ITGB5: variants seen among roughly 807,000 people sequenced by gnomAD.
The protein encoded by ITGB5 is integrin beta-5.
A neutral mutation model predicts 84.8 loss-of-function variants in ITGB5; 38 were observed. The observed-to-expected ratio is 0.45, with a 90% CI of 0.35 to 0.59. The LOEUF (loss-of-function observed/expected upper bound fraction) is 0.59, where lower values mean the gene tolerates loss of function less well. Among genes scored for constraint, ITGB5 ranks in the 20% least tolerant of loss-of-function variants. ITGB5 has a pLI of 0.01. For missense variants in ITGB5, 905 were observed against 1,034.5 expected (o/e 0.87, Z 1.72); for synonymous variants, 393 against 414.4 (o/e 0.95, Z 0.63).
chr3:124,842,074 T>C (rs1178037899), intron 4 of ITGB5, among the ~76,000 whole-genome samples: 2 of 152,234 alleles, frequency 1.3e-5, no homozygotes, highest in African/African-American at 4.8e-5. Context: ...GACCAGGATG[T>C]GCAGGCACAT....
chr3:124,824,019 G>T (rs958932392), intron 5 of ITGB5, among the ~76,000 whole-genome samples: 4 of 152,124 alleles, frequency 2.6e-5, no homozygotes, highest in African/African-American at 9.7e-5. Flanking sequence ...TCTGCAAATT[G>T]GTTTATAGAT....
At chr3:124,799,513 T>G (rs1049344459) in intron 9 of ITGB5, among the ~76,000 whole-genome samples, 9 of 152,130 alleles carry the variant, frequency 5.9e-5, no homozygotes, top group Admixed American at 5.9e-4. Flanking sequence ...TGAGCCGTGA[T>G]CGTGTCACTG....
intron 5 of ITGB5, among the ~76,000 whole-genome samples, chr3:124,840,316 A>C (rs996400538): frequency 1.3e-5 from 2 of 152,248 alleles, no homozygotes; most frequent in Non-Finnish European, 2.9e-5. Flanking sequence ...AGAAAGTATT[A>C]CCAATTATTC....
intron 3 of ITGB5, 39 bp downstream of exon 3, chr3:124,859,203 T>C (rs1418005857): frequency 1.9e-6 from 3 of 1,593,770 alleles, no homozygotes; most frequent in Non-Finnish European, 2.6e-6. Context: ...TGGGCCTTCC[T>C]GATCCCAGAG....
At chr3:124,798,854 G>A (rs1052400086) in intron 9 of ITGB5, among the ~76,000 whole-genome samples, 5 of 152,254 alleles carry the variant, frequency 3.3e-5, no homozygotes, top group African/African-American at 1.2e-4. Context: ...GACACGGGGA[G>A]AGGGGAGAGG....
At chr3:124,860,479 T>C (rs2065280786) in intron 2 of ITGB5, among the ~76,000 whole-genome samples, 1 of 152,250 alleles carries the variant, frequency 6.6e-6, no homozygotes, top group Non-Finnish European at 1.5e-5. Flanking sequence ...GAAAAATCTT[T>C]CTTTGGGTTT....
At chr3:124,813,435 T>G (rs749550403) in intron 8 of ITGB5, among the ~76,000 whole-genome samples, 4 of 152,116 alleles carry the variant, frequency 2.6e-5, no homozygotes, top group Non-Finnish European at 5.9e-5. Flanking sequence ...GGTGAAGGGC[T>G]CAGCCCACAA....
intron 2 of ITGB5, among the ~76,000 whole-genome samples, chr3:124,861,937 A>G (rs1019434956): frequency 1.3e-5 from 2 of 152,218 alleles, no homozygotes; most frequent in African/African-American, 4.8e-5. Context: ...TAGCAGTTCT[A>G]GTGAAGCAGT....
intron 5 of ITGB5, among the ~76,000 whole-genome samples, chr3:124,837,850 G>A (rs1013025200): frequency 6.6e-6 from 1 of 152,206 alleles, no homozygotes; most frequent in Non-Finnish European, 1.5e-5. Flanking sequence ...CAGGGCACAG[G>A]GTCAGGGGAA....
intron 8 of ITGB5, among the ~76,000 whole-genome samples, chr3:124,813,980 A>G (rs868406161): frequency 3.3e-5 from 5 of 152,298 alleles, no homozygotes; most frequent in Middle Eastern, 3.4e-3. Context: ...ATTAGAACAA[A>G]AGATGTTCCT....
At chr3:124,830,329 T>C (rs981929304) in intron 5 of ITGB5, among the ~76,000 whole-genome samples, 7 of 152,110 alleles carry the variant, frequency 4.6e-5, no homozygotes, top group East Asian at 1.9e-4. Flanking sequence ...GGTGGCTCCA[T>C]GGGAAGCCAA....
intron 1 of ITGB5, among the ~76,000 whole-genome samples, chr3:124,876,208 T>C (rs911171654): frequency 2.6e-5 from 4 of 152,180 alleles, no homozygotes; most frequent in African/African-American, 9.7e-5. Context: ...ATTAGCTGGA[T>C]GGTAGTAATC....
chr3:124,881,332 G>T (rs936196885), intron 1 of ITGB5, among the ~76,000 whole-genome samples: 2 of 152,098 alleles, frequency 1.3e-5, no homozygotes, highest in East Asian at 3.9e-4. Context: ...CCTGGGGTGA[G>T]AGAAGGGATC....
At chr3:124,771,182 T>C (rs755571355) in intron 11 of ITGB5, among the ~76,000 whole-genome samples, 11 of 152,224 alleles carry the variant, frequency 7.2e-5, no homozygotes, top group Non-Finnish European at 1.5e-4. Flanking sequence ...CTTGAGAGCC[T>C]GTTAACTGAA....
intron 10 of ITGB5, among the ~76,000 whole-genome samples, chr3:124,785,869 TA>T (rs1473368322): frequency 1.3e-5 from 2 of 152,096 alleles, no homozygotes; most frequent in East Asian, 3.9e-4. Flanking sequence ...GCTTATAAGG[TA>T]GGACTTGGAA....
rs550812323 is a variant in ITGB5, at chr3:124,763,592, TC to T, written c.*30del. 13 of 1,365,590 alleles carry T rather than the reference TC, an allele frequency of 9.5e-6. No individual in the cohort carries two copies. The highest frequency in any genetic ancestry group is 1.2e-5 in the Non-Finnish European group (11 of 953,960). 84.6% of individuals were successfully genotyped at this position (1,365,590 alleles called of 1,614,324 possible). A position where few individuals can be genotyped will look rare whatever the true frequency, so the allele number is the denominator to read the frequency against. ...GTTTCAGTCTGACCTTTTCATCAGA[TC>T]CCCGCTCCAGCCCCTCGGAGAAGGA... On this transcript the variant is annotated 3_prime_UTR_variant, in exon 15 of 15. Transcript: ENST00000296181.
intron 10 of ITGB5, among the ~76,000 whole-genome samples, chr3:124,794,831 G>GGGAGGAGAAGGA (rs1322732994): frequency 9.3e-5 from 14 of 151,346 alleles, no homozygotes; most frequent in Non-Finnish European, 1.8e-4. Flanking sequence ...GAAGGGAGAA[G>GGGAGGAGAAGGA]GGAGGAGAAG....
At chr3:124,844,095 T>C (rs1208236909) in intron 4 of ITGB5, among the ~76,000 whole-genome samples, 1 of 150,200 alleles carries the variant, frequency 6.7e-6, no homozygotes, top group African/African-American at 2.4e-5. Flanking sequence ...AAATGTAATT[T>C]AAAATTTTTT....
chr3:124,763,750 C>A (rs773554475), intron 14 of ITGB5, 32 bp from the exon 15 acceptor site: 1 of 1,286,558 alleles, frequency 7.8e-7, no homozygotes, highest in African/African-American at 1.5e-5. Context: ...AGGATGAGGA[C>A]ACATGTTAGC....
Sources: allele counts gnomAD v4.1 joint callset (sites outside exome capture counted in the v4.1 genomes callset), GRCh38; gene constraint gnomAD v4.1.1; transcripts MANE v1.5; gene names NCBI Gene and HGNC (gene_info 2026-07-23, HGNC 2026-07-21).